Variants in TLL1 observed in about 807,000 individuals in gnomAD.
TLL1 encodes the protein tolloid-like protein 1.
A neutral mutation model predicts 128.2 loss-of-function variants in TLL1; 49 were observed. The observed-to-expected ratio is 0.38, with a 90% CI of 0.30 to 0.48. The LOEUF (loss-of-function observed/expected upper bound fraction) is 0.48. Among genes scored for constraint, TLL1 ranks in the 20% least tolerant of loss-of-function variants. TLL1 has a pLI of 0.96. For synonymous variants in TLL1, 454 were observed against 418.8 expected (o/e 1.08, Z -1.03); for missense variants, 1,123 against 1,242.0 (o/e 0.90, Z 1.44).
chr4:165,996,654 A>T (rs951227846), intron 5 of TLL1, among the ~76,000 whole-genome samples: 2 of 152,064 alleles, frequency 1.3e-5, no homozygotes, highest in Non-Finnish European at 2.9e-5. Context: ...CATTGTGCAT[A>T]TTCCTCACAC....
At chr4:165,874,149 G>A in intron 1 of TLL1, 76 bp downstream of exon 1, 7 of 1,562,230 alleles carry the variant, frequency 4.5e-6, no homozygotes, top group South Asian at 4.5e-5. Context: ...GGCGGTGGGA[G>A]CTCACCTGTT....
chr4:165,903,765 A>ACACAC (rs10679067), intron 1 of TLL1, among the ~76,000 whole-genome samples: 1 of 150,990 alleles, frequency 6.6e-6, no homozygotes, highest in African/African-American at 2.4e-5. Flanking sequence ...ACACACACAC[A>ACACAC]AATAATAATA....
chr4:166,038,449 A>G (rs1739096514), intron 9 of TLL1, among the ~76,000 whole-genome samples: 1 of 151,842 alleles, frequency 6.6e-6, no homozygotes, highest in Non-Finnish European at 1.5e-5. Context: ...AGCATCTCAG[A>G]TGTTTTAAGC....
At chr4:165,892,426 A>G (rs1731471676) in intron 1 of TLL1, among the ~76,000 whole-genome samples, 1 of 152,186 alleles carries the variant, frequency 6.6e-6, no homozygotes, top group Non-Finnish European at 1.5e-5. Context: ...AGGCACCATA[A>G]TGCTTTTCTG....
chr4:165,965,022 A>G (rs1383227273), intron 1 of TLL1, among the ~76,000 whole-genome samples: 3 of 152,164 alleles, frequency 2.0e-5, no homozygotes, highest in Admixed American at 6.5e-5. Flanking sequence ...TATAATTTTA[A>G]GCATTTATAT....
rs1474706584 is a variant in TLL1, at chr4:166,048,236, C to T, written c.1524+4817C>T. On this transcript the variant is annotated intron_variant, in intron 12 of 20. Coordinates refer to ENST00000061240, the MANE Select transcript of TLL1 (RefSeq NM_012464.5). ...GGGCAACAAGAGCGAAATTCCGTCT[C>T]GGAAAAAAAAAAAAAAAAAAAGGCC... Among the ~76,000 whole-genome samples the T allele has an allele frequency of 3.8e-5, 4 of 105,056 alleles. No homozygotes were observed. The East Asian group carries it at 7.5e-4, about 20-fold the overall frequency. 68.9% of individuals were successfully genotyped at this position (105,056 alleles called of 152,430 possible).
chr4:165,901,856 C>T (rs939299899), intron 1 of TLL1, among the ~76,000 whole-genome samples: 1 of 152,212 alleles, frequency 6.6e-6, no homozygotes, highest in African/African-American at 2.4e-5. Flanking sequence ...CCACCCCTTA[C>T]CCCAGGTGCT....
chr4:165,990,223 A>C (rs189202404), intron 2 of TLL1, among the ~76,000 whole-genome samples: 2 of 151,904 alleles, frequency 1.3e-5, no homozygotes, highest in African/African-American at 4.8e-5. Flanking sequence ...TCTGTGTATT[A>C]TTCTGGAGAA....
At chr4:165,997,605 C>T (rs1444461894) in intron 5 of TLL1, among the ~76,000 whole-genome samples, 1 of 152,176 alleles carries the variant, frequency 6.6e-6, no homozygotes, top group Non-Finnish European at 1.5e-5. Context: ...CTACCTGTGT[C>T]TTTTAGAACA....
chr4:165,944,408 C>G, intron 1 of TLL1, among the ~76,000 whole-genome samples: 1 of 152,076 alleles, frequency 6.6e-6, no homozygotes, highest in East Asian at 1.9e-4. Context: ...GTTCCTGAGG[C>G]AGGAAGAAGC....
At chr4:165,898,917 G>A (rs950831533) in intron 1 of TLL1, among the ~76,000 whole-genome samples, 5 of 152,158 alleles carry the variant, frequency 3.3e-5, no homozygotes, top group Non-Finnish European at 2.9e-5. Context: ...CTTGTTATTG[G>A]TCTATTTGGA....
At position 165,873,851 on chromosome 4, in the gene TLL1, C is replaced by A; in HGVS notation, c.-54C>A. ...CCTAGCCCCGCACATCAGCGCGGACCGCGGCTGCCTAACCTCTGGGTCCCG... is the reference window on the plus strand; with the variant it reads ...CCTAGCCCCGCACATCAGCGCGGACAGCGGCTGCCTAACCTCTGGGTCCCG... On this transcript the variant is annotated 5_prime_UTR_variant, in exon 1 of 21. Coordinates refer to ENST00000061240, the MANE Select transcript of TLL1 (RefSeq NM_012464.5). 6.2e-7 allele frequency: 1 copy of A among 1,606,354 alleles called. No individual in the cohort carries two copies. The highest frequency in any genetic ancestry group is 8.5e-7 in the Non-Finnish European group (1 of 1,175,206).
intron 20 of TLL1, among the ~76,000 whole-genome samples, 198 bp downstream of exon 20, chr4:166,099,725 GAAT>G (rs1742206122): frequency 6.6e-6 from 1 of 151,428 alleles, no homozygotes; most frequent in Non-Finnish European, 1.5e-5. Flanking sequence ...GAATTTGCCT[GAAT>G]AATATCAGGT....
intron 1 of TLL1, among the ~76,000 whole-genome samples, chr4:165,970,317 A>G (rs909302154): frequency 1.3e-5 from 2 of 152,194 alleles, no homozygotes; most frequent in Admixed American, 6.5e-5. Flanking sequence ...TAACAAAATC[A>G]GGAAGGAATA....
rs527557217 is a variant in TLL1 at position 166,065,990 on chromosome 4, A to G, written c.2188+127A>G. 2.5e-4 allele frequency: 47 copies of G among 185,410 alleles called. No homozygotes were observed. The South Asian group carries it at 2.7e-3, about 11-fold the overall frequency. 11.5% of individuals were successfully genotyped at this position (185,410 alleles called of 1,614,324 possible). ...TTGAAGATAAGTAGGCCTTACAAACAACACAAAAATAATTATAGCAATATT... is the reference window on the plus strand; with the variant it reads ...TTGAAGATAAGTAGGCCTTACAAACGACACAAAAATAATTATAGCAATATT... On this transcript the variant is annotated intron_variant, in intron 16 of 20. Coordinates refer to ENST00000061240, the MANE Select transcript of TLL1 (RefSeq NM_012464.5).
At position 165,911,717 on chromosome 4, in the gene TLL1, A is replaced by G. The variant is rs1000068585; in HGVS notation, c.169+37644A>G. Among the ~76,000 whole-genome samples the G allele has an allele frequency of 2.6e-4, 39 of 152,066 alleles. 1 individual carries two copies. The highest frequency in any genetic ancestry group is 5.0e-4 in the Non-Finnish European group (34 of 68,014). ...GCTCAATGTTCTTCCTGTGTCTCGT[A>G]TTGATATAACCCTACCTTCATGTAT... On this transcript the variant is annotated intron_variant, in intron 1 of 20. Transcript: ENST00000061240.
At chr4:165,891,765 C>T (rs955501592) in intron 1 of TLL1, among the ~76,000 whole-genome samples, 3 of 152,206 alleles carry the variant, frequency 2.0e-5, no homozygotes, top group African/African-American at 7.2e-5. Flanking sequence ...GTCTTCTGAG[C>T]CCTCCAAGTC....
intron 9 of TLL1, among the ~76,000 whole-genome samples, chr4:166,033,139 T>C (rs1021662663): frequency 6.6e-6 from 1 of 152,148 alleles, no homozygotes; most frequent in Non-Finnish European, 1.5e-5. Context: ...TAAAATAACC[T>C]TTTAGAAGCA....
chr4:165,974,846 A>G (rs1735800942), intron 1 of TLL1, among the ~76,000 whole-genome samples: 1 of 152,202 alleles, frequency 6.6e-6, no homozygotes, highest in Non-Finnish European at 1.5e-5. Flanking sequence ...GTGGACCAGT[A>G]CTGGCACCAA....
Sources: allele counts gnomAD v4.1 joint callset (sites outside exome capture counted in the v4.1 genomes callset), GRCh38; gene constraint gnomAD v4.1.1; transcripts MANE v1.5; gene names NCBI Gene and HGNC (gene_info 2026-07-23, HGNC 2026-07-21).